Variants in TRPM6 observed in about 807,000 individuals in gnomAD.
TRPM6 encodes the protein channel kinase 2.
Under a neutral mutation model 247.6 loss-of-function variants are expected in TRPM6, and 111 were observed. The ratio of observed to expected loss-of-function variants is 0.45; its 90% CI spans 0.38 to 0.52. The LOEUF (loss-of-function observed/expected upper bound fraction) is 0.52, where lower values mean the gene tolerates loss of function less well. Among genes scored for constraint, TRPM6 ranks in the 20% least tolerant of loss-of-function variants. TRPM6 has a pLI of 0.00. For missense variants in TRPM6, 2,126 were observed against 2,421.5 expected (o/e 0.88, Z 2.56); for synonymous variants, 892 against 853.8 (o/e 1.04, Z -0.78).
intron 14 of TRPM6, among the ~76,000 whole-genome samples, chr9:74,805,241 C>T (rs1001131425): frequency 1.3e-5 from 2 of 152,164 alleles, no homozygotes; most frequent in South Asian, 2.1e-4. Flanking sequence ...AAGTCATTCT[C>T]CTAGGAAGAA....
intron 1 of TRPM6, among the ~76,000 whole-genome samples, chr9:74,863,900 A>T (rs60062173): frequency 0.35 from 50,624 of 143,040 alleles, 9,035 homozygotes; most frequent in East Asian, 0.54. Flanking sequence ...TTTTTTTTTT[A>T]AAAAAACATC....
chr9:74,847,271 G>C (rs1830142542), intron 3 of TRPM6, among the ~76,000 whole-genome samples: 1 of 152,024 alleles, frequency 6.6e-6, no homozygotes, highest in African/African-American at 2.4e-5. Flanking sequence ...TGTGACCATG[G>C]CTCACTGCAG....
At chr9:74,783,961 G>T (rs1587501054) in intron 21 of TRPM6, among the ~76,000 whole-genome samples, 1 of 152,140 alleles carries the variant, frequency 6.6e-6, no homozygotes, top group African/African-American at 2.4e-5. Context: ...TGAACAGCCA[G>T]ATGGAAAAAG....
intron 20 of TRPM6, 31 bp from the exon 21 acceptor site, chr9:74,786,156 G>C: frequency 6.2e-7 from 1 of 1,613,222 alleles, no homozygotes; most frequent in Non-Finnish European, 8.5e-7. Context: ...ACTTTAAAAA[G>C]GAGGTACAAC....
intron 3 of TRPM6, among the ~76,000 whole-genome samples, chr9:74,851,774 A>T (rs548542419): frequency 7.0e-6 from 1 of 142,010 alleles, no homozygotes; most frequent in Non-Finnish European, 1.5e-5. Flanking sequence ...ATATATATAT[A>T]TAATACATAT....
intron 7 of TRPM6, 149 bp downstream of exon 7, chr9:74,827,629 T>C (rs1829385713): frequency 6.4e-6 from 5 of 777,888 alleles, no homozygotes; most frequent in African/African-American, 1.7e-5. Flanking sequence ...GGAGGGGAGA[T>C]GCCCATGTGG....
chr9:74,869,051 C>T (rs564785863), intron 1 of TRPM6, among the ~76,000 whole-genome samples: 1 of 152,198 alleles, frequency 6.6e-6, no homozygotes, highest in South Asian at 2.1e-4. Flanking sequence ...ATAAGACATA[C>T]TTAATACTAA....
intron 1 of TRPM6, among the ~76,000 whole-genome samples, chr9:74,861,928 G>C (rs1258806038): frequency 6.6e-6 from 1 of 151,564 alleles, no homozygotes; most frequent in Non-Finnish European, 1.5e-5. Context: ...ATTGCCCCAG[G>C]GCCTAACCCA....
intron 33 of TRPM6, among the ~76,000 whole-genome samples, chr9:74,742,257 G>C (rs1215983619): frequency 6.6e-6 from 1 of 152,174 alleles, no homozygotes; most frequent in African/African-American, 2.4e-5. Context: ...TAAATGGTTG[G>C]TTTGTTCTTT....
At chr9:74,855,375 C>T (rs1003392204) in intron 3 of TRPM6, 152 bp downstream of exon 3, 2 of 687,856 alleles carry the variant, frequency 2.9e-6, no homozygotes, top group African/African-American at 3.5e-5. Context: ...AATACTCACT[C>T]TCCATCAAAA....
intron 28 of TRPM6, 103 bp downstream of exon 28, chr9:74,755,250 T>A: frequency 2.5e-6 from 3 of 1,223,568 alleles, no homozygotes; most frequent in Non-Finnish European, 3.6e-6. Context: ...CTTTCCCTCA[T>A]CTCCATGTGA....
At chr9:74,821,321 T>A (rs1469435981) in intron 8 of TRPM6, among the ~76,000 whole-genome samples, 1 of 152,130 alleles carries the variant, frequency 6.6e-6, no homozygotes, top group African/African-American at 2.4e-5. Flanking sequence ...TTGAAGGTGC[T>A]CTGGGCCCAA....
At position 74,796,781 on chromosome 9, in the gene TRPM6, C is replaced by T. The variant is rs145788992; in HGVS notation, c.2351G>A (p.Ser784Asn). Residue 784 changes from serine (S) to asparagine (N), a missense_variant, in exon 18 of 39, where the codon AGT (serine) becomes AAT (asparagine). Physicochemically the swap from Ser to Asn is conservative, Grantham distance 46. This residue lies in a region of TRPM6 where 1,082 missense variants were observed against 1,307.9 expected (regional missense o/e 0.83). Transcript: ENST00000360774. ...TTTGGAACTGCTGGCGTTCTGGTCA[C>T]TGTAATACCACATAAATTGGAAGTC... is the stretch of plus-strand genomic sequence containing the variant. Reference protein sequence around the residue: ...SQDFQFMWYYSDQNASSSKES... With the variant: ...SQDFQFMWYYNDQNASSSKES... 3.1e-6 allele frequency: 5 copies of T among 1,614,018 alleles called. No homozygotes were observed. The highest frequency in any genetic ancestry group is 1.7e-5 in the Admixed American group (1 of 60,022).
chr9:74,868,157 A>AAC (rs1415641404), intron 1 of TRPM6, among the ~76,000 whole-genome samples: 32 of 151,710 alleles, frequency 2.1e-4, no homozygotes, highest in African/African-American at 7.5e-4. Context: ...AAAAAAAAAA[A>AAC]AAACTTTGAC....
chr9:74,744,193 A>C, intron 31 of TRPM6, 48 bp from the exon 32 acceptor site: 1 of 1,563,170 alleles, frequency 6.4e-7, no homozygotes, highest in Non-Finnish European at 8.8e-7. Context: ...GCTGGAGATA[A>C]ATACATGTTT....
chr9:74,742,784 A>G (rs1042204155), intron 32 of TRPM6, among the ~76,000 whole-genome samples, 158 bp from the exon 33 acceptor site: 16 of 152,240 alleles, frequency 1.1e-4, no homozygotes, highest in Non-Finnish European at 4.4e-5. Flanking sequence ...AGTCTTAAAA[A>G]TAAACTATGC....
intron 3 of TRPM6, among the ~76,000 whole-genome samples, chr9:74,851,547 A>C (rs1266260891): frequency 6.6e-6 from 1 of 151,804 alleles, no homozygotes; most frequent in Non-Finnish European, 1.5e-5. Context: ...CGGGAGTTCA[A>C]AATCACACTG....
intron 32 of TRPM6, among the ~76,000 whole-genome samples, chr9:74,743,026 G>A (rs1166387015): frequency 6.6e-6 from 1 of 152,206 alleles, no homozygotes; most frequent in Non-Finnish European, 1.5e-5. Flanking sequence ...ACTTTGCACA[G>A]TTCATCTTCT....
chr9:74,740,057 G>C, intron 33 of TRPM6, 48 bp from the exon 34 acceptor site: 1 of 1,588,880 alleles, frequency 6.3e-7, no homozygotes, highest in Non-Finnish European at 8.6e-7. Flanking sequence ...TGCCATGTCT[G>C]TGACATGAAT....
Sources: gnomAD v4.1 joint callset for allele counts (sites outside exome capture counted in the v4.1 genomes callset) on GRCh38, gnomAD v4.1.1 for gene constraint, gnomAD v4.1.1 regional missense constraint, MANE v1.5 for transcripts, NCBI Gene and HGNC (gene_info 2026-07-23, HGNC 2026-07-21) for gene names.